The following CFAP97 variants were observed in gnomAD, a reference collection of about 807,000 sequenced individuals.
The protein encoded by CFAP97 is cilia- and flagella-associated protein 97.
Under a neutral mutation model 43.1 loss-of-function variants are expected in CFAP97, and 36 were observed. That is an observed-to-expected ratio of 0.84 (90% CI 0.64 to 1.10). CFAP97 has a LOEUF of 1.10. CFAP97 is among the 50% of genes least tolerant of loss of function. The probability of loss-of-function intolerance (pLI) is 0.00; values close to 1 mark genes in which losing one functional copy is unlikely to be tolerated. For synonymous variants in CFAP97, 228 were observed against 225.7 expected, an observed-to-expected ratio of 1.01 and a Z score of -0.09; for missense variants, 657 against 620.3, an observed-to-expected ratio of 1.06 and a Z score of -0.63.
rs147024879 is a variant in CFAP97 at position 185,200,368 on chromosome 4, G to A, written c.-17+3530C>T. ...CTAAACTACAAAATTAGCTGGGCAC[G>A]GTGGCTCACGCCTATAATCCCAGCA... On this transcript the variant is annotated intron_variant, in intron 1 of 4. Coordinates refer to ENST00000458385, the MANE Select transcript of CFAP97 (RefSeq NM_020827.3). 3.1e-3 allele frequency among the ~76,000 whole-genome samples: 469 copies of A among 152,252 alleles called. 18 individuals carry two copies. The South Asian group carries it at 0.064, about 21-fold the overall frequency.
At chr4:185,169,063 G>T (rs1210324141) in intron 3 of CFAP97, 1 of 152,128 alleles carries the variant, frequency 6.6e-6, no homozygotes, top group African/African-American at 2.4e-5. Flanking sequence ...TATGTGTGTG[G>T]TGAGAACACC....
chr4:185,169,383 G>A (rs1264669218), intron 3 of CFAP97: 1 of 160,994 alleles, frequency 6.2e-6, no homozygotes, highest in Non-Finnish European at 1.3e-5. Flanking sequence ...AGTTTCCCCT[G>A]TGTTCTCTCT....
At position 185,162,661 on chromosome 4, in the gene CFAP97, A is replaced by G; in HGVS notation, c.*137T>C. On this transcript the variant is annotated 3_prime_UTR_variant, in exon 5 of 5. Coordinates refer to ENST00000458385, the MANE Select transcript of CFAP97 (RefSeq NM_020827.3). ...TTTGACAATAATTTTGCACTGAATA[A>G]CAATACATTACAACTCACTGTTGTA... 1.1e-6 allele frequency: 1 copy of G among 908,148 alleles called. No homozygotes were observed. Among genetic ancestry groups the G allele is most frequent in the Non-Finnish European group, 1.6e-6 (1 of 607,350 alleles). 56.3% of individuals were successfully genotyped at this position (908,148 alleles called of 1,614,324 possible).
chr4:185,178,816 T>C (rs1486955373), intron 2 of CFAP97, among the ~76,000 whole-genome samples: 1 of 152,044 alleles, frequency 6.6e-6, no homozygotes, highest in Admixed American at 6.6e-5. Context: ...AGAAGGCTGT[T>C]GATGAAGTCT....
At chr4:185,173,254 T>A (rs1735378167) in intron 3 of CFAP97, among the ~76,000 whole-genome samples, 2 of 150,658 alleles carry the variant, frequency 1.3e-5, no homozygotes, top group Non-Finnish European at 2.9e-5. Flanking sequence ...TCCCAGCTAC[T>A]CAGGAGGCTG....
chr4:185,207,491 T>A (rs765662959), upstream of CFAP97, among the ~76,000 whole-genome samples: 24 of 152,156 alleles, frequency 1.6e-4, no homozygotes, highest in Non-Finnish European at 3.1e-4. Context: ...GTGCTGGGAT[T>A]ACAAGCTTGA....
Position 185,190,971 on chromosome 4 carries a change from G to C in CFAP97, c.226C>G (p.Pro76Ala). The C allele has an allele frequency of 6.2e-7, 1 of 1,613,718 alleles. No individual in the cohort carries two copies. The highest frequency in any genetic ancestry group is 8.5e-7 in the Non-Finnish European group (1 of 1,179,772). ...TCATTCTCTACGGGGTGTTCTGGGG[G>C]AAATTTCACGTTTCTTTCATTTCCC... Reference protein sequence around the residue: ...EKGNERNVKFPPEHPVENDVT... With the variant: ...EKGNERNVKFAPEHPVENDVT... The change falls in exon 2 of 5, where the codon CCC becomes GCC. Residue 76 changes from proline (P) to alanine (A), a missense_variant. Transcript: ENST00000458385.
upstream of CFAP97, among the ~76,000 whole-genome samples, chr4:185,206,660 CAAAAAAAAAA>C (rs375061067): frequency 1.0e-4 from 8 of 77,438 alleles, no homozygotes; most frequent in East Asian, 2.8e-3. Context: ...ACTCTTGTCT[CAAAAAAAAAA>C]AAAAAAAAAA....
intron 2 of CFAP97, among the ~76,000 whole-genome samples, chr4:185,184,655 G>A (rs1424370504): frequency 6.6e-6 from 1 of 152,156 alleles, no homozygotes; most frequent in Non-Finnish European, 1.5e-5. Flanking sequence ...AATCAACCCT[G>A]AAGTCTAGCG....
At chr4:185,167,330 T>G (rs1735110680) in intron 3 of CFAP97, among the ~76,000 whole-genome samples, 1 of 152,040 alleles carries the variant, frequency 6.6e-6, no homozygotes, top group African/African-American at 2.4e-5. Context: ...TAGCCGGGCG[T>G]GGTTGCATGT....
upstream of CFAP97, among the ~76,000 whole-genome samples, chr4:185,207,101 C>G (rs1737220170): frequency 6.6e-6 from 1 of 152,132 alleles, no homozygotes; most frequent in Admixed American, 6.5e-5. Flanking sequence ...CCTACTCAAT[C>G]CACTGACCCA....
intron 2 of CFAP97, among the ~76,000 whole-genome samples, chr4:185,180,640 T>C (rs770722210): frequency 2.0e-5 from 3 of 152,190 alleles, no homozygotes; most frequent in Non-Finnish European, 4.4e-5. Context: ...TATGCTCTGA[T>C]AGTATCTTCT....
intron 2 of CFAP97, among the ~76,000 whole-genome samples, chr4:185,177,138 G>A (rs1735581303): frequency 6.6e-6 from 1 of 152,162 alleles, no homozygotes; most frequent in African/African-American, 2.4e-5. Flanking sequence ...CTGAGGCCAG[G>A]CGCGGTGGCT....
intron 1 of CFAP97, among the ~76,000 whole-genome samples, chr4:185,194,851 C>G (rs954819932): frequency 6.6e-6 from 1 of 152,150 alleles, no homozygotes; most frequent in Non-Finnish European, 1.5e-5. Flanking sequence ...ACATACAACC[C>G]CATTATAGTT....
intron 3 of CFAP97, chr4:185,170,213 G>A (rs1735239595): frequency 1.8e-5 from 11 of 615,134 alleles, no homozygotes; most frequent in Non-Finnish European, 2.6e-5. Context: ...GGGTGTGGTG[G>A]TGTAAGCCTG....
rs752254911 is a variant in CFAP97, at chr4:185,176,074, A to G, written c.1055-23T>C. ...AAGCTACAGAAAAGAACAAAAAAAA[A>G]AGAGAAAATGGCCAAAGTAAGTATG... On this transcript the variant is annotated intron_variant, in intron 2 of 4. Transcript: ENST00000458385. 6 of 1,544,400 alleles carry G rather than the reference A, an allele frequency of 3.9e-6. No homozygotes were observed. In the Admixed American group the frequency reaches 1.1e-4, roughly 29 times the overall value.
At chr4:185,163,997 A>C in intron 4 of CFAP97, 32 bp downstream of exon 4, 1 of 1,590,354 alleles carries the variant, frequency 6.3e-7, no homozygotes, top group Non-Finnish European at 8.6e-7. Flanking sequence ...ACAAGATACA[A>C]ATAAGTATAA....
At chr4:185,201,393 T>C (rs2111428632) in intron 1 of CFAP97, among the ~76,000 whole-genome samples, 1 of 149,304 alleles carries the variant, frequency 6.7e-6, no homozygotes, top group Non-Finnish European at 1.5e-5. Context: ...GCTACAGAAA[T>C]CTTTTGTGAA....
At chr4:185,170,111 G>A in intron 3 of CFAP97, 1 of 1,126,846 alleles carries the variant, frequency 8.9e-7, no homozygotes, top group Non-Finnish European at 1.1e-6. Flanking sequence ...TCTTTGGGAA[G>A]CTGAGGCAGA....
Sources: allele counts gnomAD v4.1 joint callset (sites outside exome capture counted in the v4.1 genomes callset), GRCh38; gene constraint gnomAD v4.1.1; transcripts MANE v1.5; gene names NCBI Gene and HGNC (gene_info 2026-07-23, HGNC 2026-07-21).